EYA4: variants seen among roughly 807,000 people sequenced by gnomAD.
EYA4 encodes the protein EYA transcriptional coactivator and phosphatase 4, also known as protein phosphatase EYA4.
A neutral mutation model predicts 87.9 loss-of-function variants in EYA4; 31 were observed. The observed-to-expected ratio is 0.35, with a 90% CI of 0.27 to 0.48. The LOEUF (loss-of-function observed/expected upper bound fraction) is 0.48. Among genes scored for constraint, EYA4 ranks in the 20% least tolerant of loss-of-function variants. The pLI, the probability that EYA4 is intolerant of heterozygous loss-of-function variation, is 0.99. For missense variants in EYA4, 678 were observed against 761.4 expected, an observed-to-expected ratio of 0.89 and a Z score of 1.29; for synonymous variants, 263 against 270.6, an observed-to-expected ratio of 0.97 and a Z score of 0.28.
In EYA4 at chr6:133,462,762, C is replaced by T. The variant is rs969199817; in HGVS notation, c.722C>T (p.Pro241Leu). The change falls in exon 9 of 20, where the codon CCA (proline) becomes CTA (leucine). Residue 241 changes from proline (P) to leucine (L), a missense_variant and splice_region_variant. By Grantham distance (98) the Pro-to-Leu change is moderately conservative (BLOSUM62 -3). Coordinates refer to ENST00000355286, the MANE Select transcript of EYA4 (RefSeq NM_004100.5). ...CAGACACCTTATTCTTACCAAATGC[C>T]AGGTAAGTAGCTACACATGAAACAT... Reference protein sequence around the residue: ...PGQTPYSYQMPGSSFAPSSTI... With the variant: ...PGQTPYSYQMLGSSFAPSSTI... 7 of 1,613,596 alleles carry T rather than the reference C, an allele frequency of 4.3e-6. No homozygotes were observed. Among genetic ancestry groups the T allele is most frequent in the Admixed American group, 1.7e-5 (1 of 59,966 alleles).
At chr6:133,525,320 A>G (rs1333665695) in intron 19 of EYA4, 66 bp downstream of exon 19, 28 of 1,364,352 alleles carry the variant, frequency 2.1e-5, no homozygotes, top group Non-Finnish European at 2.6e-5. Context: ...GCATTTCTGT[A>G]GTTTGGCCCA....
At chr6:133,405,790 G>A (rs1409181801) in intron 3 of EYA4, among the ~76,000 whole-genome samples, 3 of 152,044 alleles carry the variant, frequency 2.0e-5, no homozygotes, top group Non-Finnish European at 4.4e-5. Context: ...ATGAATGGGG[G>A]GAAGGGGGTG....
intron 1 of EYA4, chr6:133,246,832 A>C (rs1774447302): frequency 6.6e-6 from 1 of 152,128 alleles, no homozygotes; most frequent in Non-Finnish European, 1.5e-5. Context: ...CTATGCCGTA[A>C]ATTAGGTACT....
chr6:133,356,202 A>G (rs9389074), intron 2 of EYA4, among the ~76,000 whole-genome samples: 5 of 151,914 alleles, frequency 3.3e-5, no homozygotes, highest in African/African-American at 1.2e-4. Flanking sequence ...CCCATCTCCA[A>G]ATAATCTCAC....
intron 2 of EYA4, among the ~76,000 whole-genome samples, chr6:133,354,731 G>T (rs1344575032): frequency 6.6e-6 from 1 of 152,136 alleles, no homozygotes; most frequent in Non-Finnish European, 1.5e-5. Flanking sequence ...ATATTTTATA[G>T]AGAAAGAAAG....
chr6:133,352,518 T>C (rs1467607462), intron 2 of EYA4, among the ~76,000 whole-genome samples: 1 of 152,160 alleles, frequency 6.6e-6, no homozygotes, highest in Non-Finnish European at 1.5e-5. Context: ...ACATATAAAA[T>C]TGGTATAACA....
chr6:133,411,082 T>C (rs903451911), intron 3 of EYA4, among the ~76,000 whole-genome samples: 31 of 152,072 alleles, frequency 2.0e-4, no homozygotes, highest in African/African-American at 7.5e-4. Flanking sequence ...AGCACTTTAT[T>C]TTTACTTTTG....
chr6:133,393,433 G>T (rs1254646881), intron 3 of EYA4, among the ~76,000 whole-genome samples: 1 of 152,116 alleles, frequency 6.6e-6, no homozygotes, highest in Non-Finnish European at 1.5e-5. Flanking sequence ...AAATAGGGAG[G>T]ATCAGGAACA....
chr6:133,376,605 C>G (rs1209893648), intron 2 of EYA4, among the ~76,000 whole-genome samples: 4 of 151,812 alleles, frequency 2.6e-5, no homozygotes, highest in South Asian at 2.1e-4. Flanking sequence ...ATAAAAGAAC[C>G]TTGCTCTTAT....
chr6:133,259,238 G>A (rs971589), intron 1 of EYA4, among the ~76,000 whole-genome samples: 56,423 of 151,846 alleles, frequency 0.37, 10,816 homozygotes, highest in East Asian at 0.48. Flanking sequence ...CAGGGGCACC[G>A]TACTTAACTT....
At chr6:133,472,313 C>T (rs1795340086) in intron 11 of EYA4, among the ~76,000 whole-genome samples, 1 of 94,762 alleles carries the variant, frequency 1.1e-5, no homozygotes, top group Non-Finnish European at 2.0e-5. Flanking sequence ...TCGTTGGTTT[C>T]GAAGAACATC....
At chr6:133,505,844 TCTC>T (rs1011102813) in intron 13 of EYA4, among the ~76,000 whole-genome samples, 4 of 152,272 alleles carry the variant, frequency 2.6e-5, no homozygotes, top group African/African-American at 7.2e-5. Flanking sequence ...TTCCTCCTTC[TCTC>T]CTCAACATAC....
At chr6:133,338,799 A>G (rs552080913) in intron 2 of EYA4, among the ~76,000 whole-genome samples, 231 of 152,246 alleles carry the variant, frequency 1.5e-3, no homozygotes, top group African/African-American at 5.3e-3. Context: ...ACAATATTAC[A>G]TGGATGCACA....
chr6:133,393,839 T>C (rs1193872194), intron 3 of EYA4, among the ~76,000 whole-genome samples: 1 of 152,196 alleles, frequency 6.6e-6, no homozygotes, highest in African/African-American at 2.4e-5. Context: ...TAGGGCTCTC[T>C]CCTGATCAGA....
chr6:133,286,824 G>A (rs994425084), intron 2 of EYA4, among the ~76,000 whole-genome samples: 4 of 152,140 alleles, frequency 2.6e-5, no homozygotes, highest in Non-Finnish European at 4.4e-5. Flanking sequence ...GGCACTTCAG[G>A]TTAGGAAAGA....
chr6:133,295,203 G>T (rs1291760553), intron 2 of EYA4, among the ~76,000 whole-genome samples: 2 of 152,130 alleles, frequency 1.3e-5, no homozygotes, highest in Non-Finnish European at 2.9e-5. Flanking sequence ...CTCTTCAAAT[G>T]ATCAGCTCCA....
At chr6:133,412,448 C>T (rs1789324670) in intron 3 of EYA4, among the ~76,000 whole-genome samples, 1 of 152,154 alleles carries the variant, frequency 6.6e-6, no homozygotes, top group Non-Finnish European at 1.5e-5. Context: ...ACCCCTTCTT[C>T]CTGACTTTCA....
At chr6:133,437,996 T>C (rs1222773645) in intron 3 of EYA4, among the ~76,000 whole-genome samples, 2 of 152,222 alleles carry the variant, frequency 1.3e-5, no homozygotes, top group East Asian at 1.9e-4. Context: ...CCATTAATCA[T>C]TTCCTGTTGC....
At chr6:133,462,927 T>C (rs1487121765) in intron 9 of EYA4, among the ~76,000 whole-genome samples, 163 bp downstream of exon 9, 1 of 152,158 alleles carries the variant, frequency 6.6e-6, no homozygotes, top group Non-Finnish European at 1.5e-5. Context: ...GATGAAATGG[T>C]TGAGTATACG....
Sources: allele counts gnomAD v4.1 joint callset (sites outside exome capture counted in the v4.1 genomes callset), GRCh38; gene constraint gnomAD v4.1.1; transcripts MANE v1.5; gene names NCBI Gene and HGNC (gene_info 2026-07-23, HGNC 2026-07-21).